Variants in CDK6 observed in about 807,000 individuals in gnomAD.
CDK6 encodes the protein cyclin dependent kinase 6.
In CDK6, 6 loss-of-function variants were observed where a neutral mutation model predicts 37.1. The observed-to-expected ratio is 0.16, with a 90% CI of 0.09 to 0.32. The LOEUF (loss-of-function observed/expected upper bound fraction) is 0.32. CDK6 is among the 10% of genes least tolerant of loss of function. The pLI, the probability that CDK6 is intolerant of heterozygous loss-of-function variation, is 1.00. For synonymous variants in CDK6, 160 were observed against 161.3 expected (o/e 0.99, Z 0.06); for missense variants, 224 against 418.9 (o/e 0.53, Z 4.06).
At chr7:92,770,010 C>T (rs1799671295) in intron 3 of CDK6, among the ~76,000 whole-genome samples, 1 of 151,988 alleles carries the variant, frequency 6.6e-6, no homozygotes, top group Non-Finnish European at 1.5e-5. Flanking sequence ...CATGGAAACC[C>T]AGGAAGGCAA....
In CDK6 at chr7:92,607,387, T is replaced by A; in HGVS notation, c.*7753A>T. 4.3e-6 allele frequency: 1 copy of A among 233,168 alleles called. No individual in the cohort carries two copies. Among genetic ancestry groups the A allele is most frequent in the Non-Finnish European group, 8.5e-6 (1 of 117,986 alleles). The allele number at this position is 233,168 out of a possible 1,614,324, so 14.4% of individuals were successfully genotyped here. ...ACCTTTAGTTTTTATTTTTGCTATA[T>A]TTTTGCACTCTACTATATGCATATT... On this transcript the variant is annotated 3_prime_UTR_variant, in exon 8 of 8. Coordinates refer to ENST00000424848, the MANE Select transcript of CDK6 (RefSeq NM_001145306.2).
intron 2 of CDK6, among the ~76,000 whole-genome samples, chr7:92,827,304 TG>T (rs1801349366): frequency 1.3e-5 from 2 of 152,300 alleles, no homozygotes; most frequent in African/African-American, 4.8e-5. Context: ...ATAATTTAAG[TG>T]GCTACTTAAA....
At position 92,744,252 on chromosome 7, in the gene CDK6, G is replaced by A. The variant is rs540478218; in HGVS notation, c.370-18459C>T. ...GGACTCACAGCTCCACATGGCTGGGGAGGCCTCACAATCATGGCGGAAGGC... is the reference window on the plus strand; with the variant it reads ...GGACTCACAGCTCCACATGGCTGGGAAGGCCTCACAATCATGGCGGAAGGC... On this transcript the variant is annotated intron_variant, in intron 3 of 7. Transcript: ENST00000424848. Among the ~76,000 whole-genome samples the A allele has an allele frequency of 3.9e-5, 6 of 152,292 alleles. No individual in the cohort carries two copies. In the South Asian group the frequency reaches 1.2e-3, roughly 32 times the overall value.
intron 5 of CDK6, among the ~76,000 whole-genome samples, chr7:92,638,657 C>T (rs1478811579): frequency 6.6e-6 from 1 of 152,186 alleles, no homozygotes; most frequent in Non-Finnish European, 1.5e-5. Context: ...TCTCTTTAGT[C>T]TATTCCAGAG....
At chr7:92,711,861 C>A (rs937473973) in intron 4 of CDK6, among the ~76,000 whole-genome samples, 14 of 151,578 alleles carry the variant, frequency 9.2e-5, no homozygotes, top group African/African-American at 3.4e-4. Context: ...AACCACCACA[C>A]TGGTGGAATG....
intron 3 of CDK6, among the ~76,000 whole-genome samples, chr7:92,749,067 C>T (rs1349756574): frequency 5.3e-5 from 8 of 151,942 alleles, no homozygotes; most frequent in Non-Finnish European, 1.0e-4. Flanking sequence ...GGCGTGGTGG[C>T]GCATGCCTGT....
At chr7:92,772,735 C>A (rs143988901) in intron 3 of CDK6, among the ~76,000 whole-genome samples, 49 of 151,882 alleles carry the variant, frequency 3.2e-4, no homozygotes, top group African/African-American at 1.1e-3. Context: ...CCTTGAGATT[C>A]CCCCCATTCC....
intron 4 of CDK6, among the ~76,000 whole-genome samples, chr7:92,712,542 G>A (rs540209730): frequency 2.0e-5 from 3 of 152,246 alleles, no homozygotes; most frequent in South Asian, 2.1e-4. Context: ...GCAGCAACAT[G>A]ACCTTTAAAT....
intron 2 of CDK6, among the ~76,000 whole-genome samples, chr7:92,779,281 C>T (rs965121111): frequency 7.2e-5 from 11 of 152,062 alleles, no homozygotes; most frequent in African/African-American, 2.4e-4. Context: ...GCTCAAGATA[C>T]GAAAGGTGAG....
At position 92,642,366 on chromosome 7, in the gene CDK6, A is replaced by T. The variant is rs561681819; in HGVS notation, c.648-19280T>A. ...ATAAGGAGCACTACAATGATTAGTC[A>T]TCACTTCACTATTGAGTCATTTGGC... is the stretch of plus-strand genomic sequence containing the variant. On this transcript the variant is annotated intron_variant, in intron 5 of 7. Coordinates refer to ENST00000424848, the MANE Select transcript of CDK6 (RefSeq NM_001145306.2). 1.3e-4 allele frequency among the ~76,000 whole-genome samples: 20 copies of T among 152,298 alleles called. No individual in the cohort carries two copies. In the South Asian group the frequency reaches 3.5e-3, roughly 27 times the overall value.
intron 5 of CDK6, among the ~76,000 whole-genome samples, chr7:92,631,711 G>T (rs1796057815): frequency 1.3e-5 from 2 of 152,178 alleles, no homozygotes; most frequent in Admixed American, 6.6e-5. Context: ...CTGGGGTGGA[G>T]CTACCTACAC....
Position 92,612,754 on chromosome 7 carries a change from A to G in CDK6, c.*2386T>C, listed in dbSNP as rs1332922585. On this transcript the variant is annotated 3_prime_UTR_variant, in exon 8 of 8. Coordinates refer to ENST00000424848, the MANE Select transcript of CDK6 (RefSeq NM_001145306.2). The stretch of plus-strand genomic sequence containing the variant: ...AAAGAATGCTGAAAAATTCCAGTTC[A>G]GAACAGCTGCATTTTTCTTGAGTGA... 1 of 233,068 alleles carries G rather than the reference A, an allele frequency of 4.3e-6. No individual in the cohort carries two copies. Among genetic ancestry groups the G allele is most frequent in the Non-Finnish European group, 8.5e-6 (1 of 117,986 alleles). The allele number at this position is 233,068 out of a possible 1,614,324, so 14.4% of individuals were successfully genotyped here.
intron 2 of CDK6, among the ~76,000 whole-genome samples, chr7:92,797,081 T>C (rs554149519): frequency 2.0e-5 from 3 of 152,304 alleles, no homozygotes; most frequent in East Asian, 1.9e-4. Context: ...AAAGTATGTA[T>C]GTTATCTATA....
At chr7:92,677,605 C>CA (rs529164111) in intron 4 of CDK6, among the ~76,000 whole-genome samples, 10 of 150,954 alleles carry the variant, frequency 6.6e-5, no homozygotes, top group East Asian at 1.9e-4. Context: ...AAGACTGTCT[C>CA]AAAAAAAAGG....
chr7:92,744,734 C>A (rs1488749567), intron 3 of CDK6, among the ~76,000 whole-genome samples: 1 of 152,100 alleles, frequency 6.6e-6, no homozygotes, highest in Non-Finnish European at 1.5e-5. Context: ...TTGGAAGAAT[C>A]CAAATTTCTC....
chr7:92,730,523 G>A (rs975556851), intron 3 of CDK6, among the ~76,000 whole-genome samples: 3 of 152,090 alleles, frequency 2.0e-5, no homozygotes, highest in African/African-American at 2.4e-5. Flanking sequence ...AACTTCTCTC[G>A]CATGTCTCCC....
chr7:92,643,840 A>G (rs1585362768), intron 5 of CDK6, among the ~76,000 whole-genome samples: 1 of 152,252 alleles, frequency 6.6e-6, no homozygotes, highest in Non-Finnish European at 1.5e-5. Context: ...CTTATTAAAT[A>G]CAGAAAAATC....
At chr7:92,743,880 G>C (rs1166182253) in intron 3 of CDK6, among the ~76,000 whole-genome samples, 1 of 152,158 alleles carries the variant, frequency 6.6e-6, no homozygotes, top group Non-Finnish European at 1.5e-5. Context: ...ATTACATCTG[G>C]GGGAGGGAGT....
chr7:92,652,066 C>T lies in CDK6; in HGVS notation c.647+19360G>A, dbSNP rs565837281. On this transcript the variant is annotated intron_variant, in intron 5 of 7. Transcript: ENST00000424848. ...ACTTTTGAATTTCAACATTTCATAA[C>T]GTATTGATAGATTGTTATTTATTAA... Among the ~76,000 whole-genome samples, 66 of 152,264 alleles carry T rather than the reference C, an allele frequency of 4.3e-4. 2 individuals carry two copies. Among genetic ancestry groups the T allele is most frequent in the East Asian group, 2.7e-3 (14 of 5,186 alleles).
Sources: gnomAD v4.1 joint callset for allele counts (sites outside exome capture counted in the v4.1 genomes callset) on GRCh38, gnomAD v4.1.1 for gene constraint, MANE v1.5 for transcripts, NCBI Gene and HGNC (gene_info 2026-07-23, HGNC 2026-07-21) for gene names.